TRIM37: variants seen among roughly 807,000 people sequenced by gnomAD.
TRIM37 encodes the protein tripartite motif containing 37.
TRIM37 carries 80 observed loss-of-function variants against 129.8 expected under a neutral mutation model. The ratio of observed to expected loss-of-function variants is 0.62; its 90% confidence interval spans 0.51 to 0.74. The LOEUF is 0.74. TRIM37 is among the 30% of genes least tolerant of loss of function. TRIM37 has a pLI of 0.00. For missense variants in TRIM37, 1,054 were observed against 1,176.5 expected, an observed-to-expected ratio of 0.90 and a Z score of 1.52; for synonymous variants, 389 against 387.1, an observed-to-expected ratio of 1.00 and a Z score of -0.06.
chr17:58,973,019 A>C, the TRIM37 span: 2 of 765,434 alleles, frequency 2.6e-6, no homozygotes, highest in Non-Finnish European at 4.3e-6. Context: ...ATGATAATTT[A>C]TGTTACCAGA....
At chr17:59,014,497 G>T (rs1233369162) in intron 21 of TRIM37, among the ~76,000 whole-genome samples, 1 of 152,104 alleles carries the variant, frequency 6.6e-6, no homozygotes, top group African/African-American at 2.4e-5. Context: ...TCTCCTAGGG[G>T]AGAGATAAAC....
chr17:59,044,717 G>A (rs758968710), intron 16 of TRIM37, among the ~76,000 whole-genome samples: 3 of 152,066 alleles, frequency 2.0e-5, no homozygotes, highest in Non-Finnish European at 2.9e-5. Flanking sequence ...AAAAGTATAG[G>A]GGAGGATGTG....
At chr17:59,044,686 T>C (rs1000134279) in intron 16 of TRIM37, among the ~76,000 whole-genome samples, 1 of 152,258 alleles carries the variant, frequency 6.6e-6, no homozygotes, top group Non-Finnish European at 1.5e-5. Flanking sequence ...TTAGGTATTA[T>C]AAGTAATCTA....
Position 59,028,496 on chromosome 17 carries a change from T to C in TRIM37, c.2176A>G (p.Thr726Ala). ...ADQAALAACGTENSGRLQDLG... is the reference protein window; with the variant it reads ...ADQAALAACGAENSGRLQDLG... ...TCCTGCAATCTGCCAGAGTTTTCAG[T>C]TCCACATGCAGCCAGAGCTGCCTGG... Residue 726 changes from threonine to alanine, a missense_variant, in exon 19 of 24, where the codon ACT (threonine) becomes GCT (alanine). Physicochemically the swap from Thr to Ala is moderately conservative, Grantham distance 58. Transcript: ENST00000262294. 6.2e-7 allele frequency: 1 copy of C among 1,614,174 alleles called. No homozygotes were observed. The highest frequency in any genetic ancestry group is 1.1e-5 in the South Asian group (1 of 91,082).
downstream of TRIM37, chr17:58,980,628 G>A (rs1598719645): frequency 6.2e-7 from 1 of 1,614,186 alleles, no homozygotes; most frequent in Non-Finnish European, 8.5e-7. This position sits in a 1 kb window ranked among gnomAD's most constrained non-coding sequence, Gnocchi z 4.7. Context: ...GAATGGAGTG[G>A]TGCTGGAGAG....
Position 59,091,292 on chromosome 17 carries a change from A to C in TRIM37, c.164+8T>G. The C allele has an allele frequency of 3.2e-6, 5 of 1,584,368 alleles. No individual in the cohort carries two copies. The highest frequency in any genetic ancestry group is 4.3e-6 in the Non-Finnish European group (5 of 1,162,448). ...AAAATTCACAAATAATCGTAAGGAA[A>C]CACTTACCGGCAATGAGGACATTGA... On this transcript the variant is annotated splice_region_variant and intron_variant, in intron 3 of 23. Coordinates refer to ENST00000262294, the MANE Select transcript of TRIM37 (RefSeq NM_015294.6).
intron 19 of TRIM37, among the ~76,000 whole-genome samples, chr17:59,023,312 A>C (rs1237611782): frequency 6.6e-6 from 1 of 152,130 alleles, no homozygotes; most frequent in Admixed American, 6.6e-5. Context: ...TCCTGGCCTC[A>C]AGTAATCTGC....
chr17:58,976,804 G>T, the TRIM37 span, among the ~76,000 whole-genome samples: 24 of 152,290 alleles, frequency 1.6e-4, no homozygotes, highest in South Asian at 4.1e-4. Context: ...CAAACTAACA[G>T]TTGCAGCAGT....
chr17:59,014,658 C>T (rs1467167699), intron 21 of TRIM37, among the ~76,000 whole-genome samples: 2 of 151,118 alleles, frequency 1.3e-5, no homozygotes, highest in Admixed American at 6.6e-5. Flanking sequence ...TATATAAATG[C>T]CTGTGACACA....
chr17:59,053,765 T>C (rs560567587), intron 13 of TRIM37, among the ~76,000 whole-genome samples: 1 of 152,242 alleles, frequency 6.6e-6, no homozygotes, highest in African/African-American at 2.4e-5. Context: ...CCCAAAAGTC[T>C]GAAAAGCTAT....
the TRIM37 span, among the ~76,000 whole-genome samples, chr17:58,967,326 A>G: frequency 1.3e-5 from 2 of 152,148 alleles, no homozygotes; most frequent in Non-Finnish European, 2.9e-5. Context: ...AATTATCTAA[A>G]TCATGAAAGG....
At chr17:58,997,818 G>A (rs1189583760), downstream of TRIM37, among the ~76,000 whole-genome samples, 1 of 152,162 alleles carries the variant, frequency 6.6e-6, no homozygotes, top group Non-Finnish European at 1.5e-5. Context: ...TTCTTCTCCT[G>A]TGCCTCTTCC....
chr17:59,083,729 A>G (rs1051728839), intron 5 of TRIM37, among the ~76,000 whole-genome samples: 24 of 152,340 alleles, frequency 1.6e-4, no homozygotes, highest in African/African-American at 5.0e-4. Context: ...GAAAAAAGTG[A>G]CCTAGATCCT....
At chr17:58,969,691 C>A in the TRIM37 span, 1 of 1,614,148 alleles carries the variant, frequency 6.2e-7, no homozygotes, top group South Asian at 1.1e-5. Context: ...CCTTCCGGGT[C>A]ACTGATGAGC....
At chr17:58,986,741 T>A (rs2031855688) in intron 24 of TRIM37, among the ~76,000 whole-genome samples, 2 of 152,172 alleles carry the variant, frequency 1.3e-5, no homozygotes, top group Admixed American at 1.3e-4. Context: ...ACACCTGACC[T>A]CAAGTGATCT....
chr17:59,079,621 C>A, intron 7 of TRIM37, 133 bp downstream of exon 7: 1 of 1,147,456 alleles, frequency 8.7e-7, no homozygotes, highest in Non-Finnish European at 1.3e-6. Flanking sequence ...ATTTATCTGT[C>A]TAAATTGTAA....
chr17:58,999,189 C>A lies in TRIM37; in HGVS notation c.*188G>T. On this transcript the variant is annotated 3_prime_UTR_variant, in exon 24 of 24. Transcript: ENST00000262294. ...AAAGAACTCTTCCCATACTGTTTTT[C>A]CCATGTACTACTGCTGTCTTAGACT... 1 of 1,444,860 alleles carries A rather than the reference C, an allele frequency of 6.9e-7. No homozygotes were observed. The highest frequency in any genetic ancestry group is 9.1e-7 in the Non-Finnish European group (1 of 1,102,810). 89.5% of individuals were successfully genotyped at this position (1,444,860 alleles called of 1,614,324 possible). A position where few individuals can be genotyped will look rare whatever the true frequency, so the allele number is the denominator to read the frequency against.
chr17:58,981,046 A>C (rs768265457), downstream of TRIM37: 11 of 1,540,074 alleles, frequency 7.1e-6, no homozygotes, highest in South Asian at 1.2e-4. Context: ...TCTTTCAAGT[A>C]GGTTAGCTAG....
chr17:59,069,607 C>T (rs1479107521), intron 9 of TRIM37, among the ~76,000 whole-genome samples: 1 of 152,120 alleles, frequency 6.6e-6, no homozygotes, highest in Non-Finnish European at 1.5e-5. Context: ...GGCTTCACCC[C>T]TCATCATAGA....
Sources: allele counts gnomAD v4.1 joint callset (sites outside exome capture counted in the v4.1 genomes callset), GRCh38; gene constraint gnomAD v4.1.1; non-coding constraint Gnocchi (gnomAD v3.1); transcripts MANE v1.5; gene names NCBI Gene and HGNC (gene_info 2026-07-23, HGNC 2026-07-21).